DYNC2I2: variants seen among roughly 807,000 people sequenced by gnomAD.
DYNC2I2 encodes the protein dynein 2 intermediate chain 2.
Under a neutral mutation model 52.0 loss-of-function variants are expected in DYNC2I2, and 39 were observed. The observed-to-expected ratio is 0.75, with a 90% CI of 0.58 to 0.98. DYNC2I2 has a LOEUF of 0.98. DYNC2I2 is among the 50% of genes least tolerant of loss of function. The pLI is 0.00. For synonymous variants in DYNC2I2, 359 were observed against 321.1 expected (o/e 1.12, Z -1.26); for missense variants, 743 against 728.4 (o/e 1.02, Z -0.23).
chr9:128,635,289 G>C, intron 5 of DYNC2I2, 30 bp from the exon 6 acceptor site: 1 of 1,606,712 alleles, frequency 6.2e-7, no homozygotes, highest in Non-Finnish European at 8.5e-7. Context: ...GGCCAGGATG[G>C]AGACAAGGGA....
chr9:128,640,057 G>C (rs1277624934), intron 2 of DYNC2I2, among the ~76,000 whole-genome samples: 2 of 128,784 alleles, frequency 1.6e-5, no homozygotes, highest in Non-Finnish European at 3.1e-5. Context: ...GCCCAGGCTG[G>C]AGTGCAGTGG....
At chr9:128,635,383 G>A in intron 5 of DYNC2I2, 124 bp from the exon 6 acceptor site, 2 of 1,266,214 alleles carry the variant, frequency 1.6e-6, no homozygotes, top group East Asian at 2.5e-5. Context: ...CCAGAACCAG[G>A]CTCACCCACC....
At chr9:128,638,473 C>T (rs753217074) in intron 2 of DYNC2I2, among the ~76,000 whole-genome samples, 6 of 151,558 alleles carry the variant, frequency 4.0e-5, no homozygotes, top group Non-Finnish European at 5.9e-5. Context: ...GCCCAGATCA[C>T]GCCATTGCAC....
chr9:128,658,921 G>C (rs1294879181), upstream of DYNC2I2, among the ~76,000 whole-genome samples: 1 of 151,394 alleles, frequency 6.6e-6, no homozygotes, highest in Non-Finnish European at 1.5e-5. Flanking sequence ...ATGGGGGCAG[G>C]GGTCTCCCCG....
chr9:128,658,057 T>A (rs1382051027), upstream of DYNC2I2, among the ~76,000 whole-genome samples: 4 of 152,046 alleles, frequency 2.6e-5, no homozygotes, highest in East Asian at 3.9e-4. Context: ...TGAACCACGC[T>A]GTGCTTTAGC....
chr9:128,656,846 C>T lies in DYNC2I2; in HGVS notation c.-120G>A. 9.7e-7 allele frequency: 1 copy of T among 1,029,206 alleles called. No individual in the cohort carries two copies. Among genetic ancestry groups the T allele is most frequent in the Non-Finnish European group, 1.3e-6 (1 of 774,164 alleles). 63.8% of individuals were successfully genotyped at this position (1,029,206 alleles called of 1,614,324 possible). A position where few individuals can be genotyped will look rare whatever the true frequency, so the allele number is the denominator to read the frequency against. On this transcript the variant is annotated 5_prime_UTR_variant, in exon 1 of 9. Transcript: ENST00000372715. Reference sequence around the variant, plus strand: ...CGCCATGTTTGAATTGGTCGCAGCGCCTCCTGCAAGACCTGGAAGAAAGAA... The same window carrying T: ...CGCCATGTTTGAATTGGTCGCAGCGTCTCCTGCAAGACCTGGAAGAAAGAA...
Position 128,640,829 on chromosome 9 carries a change from G to T in DYNC2I2, c.297C>A (p.Pro99=). The change falls in exon 2 of 9, where the codon CCC becomes CCA. Residue 99 remains proline (P), a synonymous_variant. Coordinates refer to ENST00000372715, the MANE Select transcript of DYNC2I2 (RefSeq NM_052844.4). ...GCCTGGGTATGTCATACTGGGACGG[G>T]GGCTGCACGCTGACAGGCACGGGGG... ...TEAPVPVSVQ[P]PSQYDIPRLA... The T allele has an allele frequency of 6.2e-7, 1 of 1,614,004 alleles. No individual in the cohort carries two copies. Among genetic ancestry groups the T allele is most frequent in the South Asian group, 1.1e-5 (1 of 91,056 alleles).
At chr9:128,683,762 T>C in the DYNC2I2 span, 4 of 690,872 alleles carry the variant, frequency 5.8e-6, no homozygotes, top group Non-Finnish European at 9.5e-6. Context: ...CCCACTGTCA[T>C]GTAAATATCC....
chr9:128,677,884 T>A, the DYNC2I2 span, among the ~76,000 whole-genome samples: 2 of 152,084 alleles, frequency 1.3e-5, no homozygotes, highest in Non-Finnish European at 2.9e-5. Context: ...TCACCTCTGA[T>A]CACCCAGTCC....
At chr9:128,670,094 C>T in the DYNC2I2 span, among the ~76,000 whole-genome samples, 2 of 151,948 alleles carry the variant, frequency 1.3e-5, no homozygotes, top group East Asian at 3.9e-4. Context: ...AAGTCAAGAT[C>T]TTGCCACTGT....
At chr9:128,658,951 G>A (rs1005024320), upstream of DYNC2I2, among the ~76,000 whole-genome samples, 3 of 151,576 alleles carry the variant, frequency 2.0e-5, no homozygotes, top group Admixed American at 1.3e-4. Context: ...GGCTGGTCTC[G>A]AACTCCTGGG....
chr9:128,666,932 G>A, the DYNC2I2 span, among the ~76,000 whole-genome samples: 13 of 151,948 alleles, frequency 8.6e-5, no homozygotes, highest in Admixed American at 2.0e-4. Flanking sequence ...CAGGCGCGGT[G>A]GCTCACTCCT....
upstream of DYNC2I2, among the ~76,000 whole-genome samples, chr9:128,661,267 T>G (rs1267142838): frequency 7.3e-6 from 1 of 136,746 alleles, no homozygotes; most frequent in Non-Finnish European, 1.5e-5. Context: ...GCTACCCCAC[T>G]GCACTCCAGT....
intron 2 of DYNC2I2, among the ~76,000 whole-genome samples, chr9:128,639,886 G>A (rs1010259581): frequency 2.6e-5 from 4 of 151,970 alleles, no homozygotes; most frequent in African/African-American, 4.8e-5. Flanking sequence ...GGCTGGTCTC[G>A]AACTGCCAAC....
At chr9:128,668,016 A>G in the DYNC2I2 span, among the ~76,000 whole-genome samples, 1 of 121,574 alleles carries the variant, frequency 8.2e-6, no homozygotes, top group Non-Finnish European at 1.6e-5. Flanking sequence ...GCTGGAGTGC[A>G]GTGGCACAAT....
At chr9:128,651,956 CTGCAGAGAAT>C (rs1299867691) in intron 1 of DYNC2I2, 1 of 147,714 alleles carries the variant, frequency 6.8e-6, no homozygotes, top group Non-Finnish European at 1.5e-5. Flanking sequence ...AGCACATGTG[CTGCAGAGAAT>C]GAGCACATGG....
At chr9:128,668,026 T>A in the DYNC2I2 span, among the ~76,000 whole-genome samples, 1 of 123,394 alleles carries the variant, frequency 8.1e-6, no homozygotes, top group African/African-American at 3.3e-5. Context: ...AGTGGCACAA[T>A]CCCAGCTCAC....
At chr9:128,667,457 C>G in the DYNC2I2 span, among the ~76,000 whole-genome samples, 3 of 151,782 alleles carry the variant, frequency 2.0e-5, no homozygotes, top group African/African-American at 7.3e-5. Flanking sequence ...TCCCGAGTAG[C>G]TGGGACTACA....
chr9:128,638,185 C>CTCTCCAG (rs1860449184), intron 2 of DYNC2I2, among the ~76,000 whole-genome samples: 1 of 150,166 alleles, frequency 6.7e-6, no homozygotes, highest in Non-Finnish European at 1.5e-5. Flanking sequence ...TGCACTGCTG[C>CTCTCCAG]TCTCCAGCCT....
Sources: gnomAD v4.1 joint callset for allele counts (sites outside exome capture counted in the v4.1 genomes callset) on GRCh38, gnomAD v4.1.1 for gene constraint, MANE v1.5 for transcripts, NCBI Gene and HGNC (gene_info 2026-07-23, HGNC 2026-07-21) for gene names.